Variants in SYNPR observed in about 807,000 individuals in gnomAD.
The protein encoded by SYNPR is synaptoporin.
In SYNPR, 23 loss-of-function variants were observed where a neutral mutation model predicts 32.9. That is an observed-to-expected ratio of 0.70 (90% confidence interval 0.50 to 0.99). SYNPR has a LOEUF of 0.99. Among genes scored for constraint, SYNPR ranks in the 50% least tolerant of loss-of-function variants. The pLI is 0.00. For synonymous variants in SYNPR, 146 were observed against 135.9 expected (o/e 1.07, Z -0.52); for missense variants, 318 against 349.3 (o/e 0.91, Z 0.71).
At chr3:63,279,241 C>T (rs1439806991) in intron 2 of SYNPR, among the ~76,000 whole-genome samples, 2 of 152,144 alleles carry the variant, frequency 1.3e-5, no homozygotes, top group African/African-American at 4.8e-5. Flanking sequence ...TCAACTGCTC[C>T]GCGGGAGCTT....
chr3:63,575,744 G>T (rs1242418769), intron 4 of SYNPR, among the ~76,000 whole-genome samples: 1 of 152,178 alleles, frequency 6.6e-6, no homozygotes, highest in Non-Finnish European at 1.5e-5. Flanking sequence ...AGCATACTTT[G>T]TTAGGGGTCG....
intron 2 of SYNPR, among the ~76,000 whole-genome samples, chr3:63,299,715 C>T (rs2086824364): frequency 6.6e-6 from 1 of 152,050 alleles, no homozygotes; most frequent in African/African-American, 2.4e-5. Context: ...TTGATATTAA[C>T]CAAATGACAT....
chr3:63,510,895 T>C (rs1203604173), intron 3 of SYNPR, among the ~76,000 whole-genome samples: 2 of 114,262 alleles, frequency 1.8e-5, no homozygotes, highest in African/African-American at 2.9e-5. Flanking sequence ...TTTAAGTAAA[T>C]GAAAAGGCAA....
At chr3:63,455,778 T>G (rs1397457888) in intron 2 of SYNPR, among the ~76,000 whole-genome samples, 1 of 151,874 alleles carries the variant, frequency 6.6e-6, no homozygotes, top group Admixed American at 6.6e-5. Flanking sequence ...TGTGTGTGTG[T>G]GTGTGTGTGG....
At chr3:63,259,854 G>A (rs1445797047) in intron 2 of SYNPR, among the ~76,000 whole-genome samples, 1 of 152,106 alleles carries the variant, frequency 6.6e-6, no homozygotes, top group Non-Finnish European at 1.5e-5. Flanking sequence ...TCTCCTTAAG[G>A]TGATAGACAA....
intron 2 of SYNPR, among the ~76,000 whole-genome samples, chr3:63,379,058 A>G (rs1048231994): frequency 2.6e-5 from 4 of 152,186 alleles, no homozygotes; most frequent in African/African-American, 9.6e-5. Flanking sequence ...TTTGAAAATC[A>G]TAAATGTAGC....
At chr3:63,259,854 G>C (rs1445797047) in intron 2 of SYNPR, among the ~76,000 whole-genome samples, 2 of 152,106 alleles carry the variant, frequency 1.3e-5, no homozygotes, top group Non-Finnish European at 2.9e-5. Context: ...TCTCCTTAAG[G>C]TGATAGACAA....
At chr3:63,480,172 C>T (rs1205065902) in intron 2 of SYNPR, among the ~76,000 whole-genome samples, 1 of 152,198 alleles carries the variant, frequency 6.6e-6, no homozygotes, top group African/African-American at 2.4e-5. Flanking sequence ...GATTCACATT[C>T]TACACCAGGA....
At position 63,278,762 on chromosome 3, in the gene SYNPR, C is replaced by G; in HGVS notation, c.84+20C>G. On this transcript the variant is annotated intron_variant, in intron 2 of 5. Transcript: ENST00000478300. The stretch of plus-strand genomic sequence containing the variant: ...GAATTGGTGAGTAGCAGTGTGTGTG[C>G]AGGGAGGGGCGCCAGGCAGCCAGCT... 1 of 1,551,070 alleles carries G rather than the reference C, an allele frequency of 6.4e-7. No homozygotes were observed. The highest frequency in any genetic ancestry group is 8.7e-7 in the Non-Finnish European group (1 of 1,146,896).
chr3:63,570,376 C>T (rs145198327), intron 4 of SYNPR, among the ~76,000 whole-genome samples: 2 of 152,240 alleles, frequency 1.3e-5, no homozygotes, highest in East Asian at 1.9e-4. Context: ...AGAAATAAAA[C>T]GTCTCTCCTC....
In SYNPR at chr3:63,228,622, C is replaced by T. The variant is rs1330182838; in HGVS notation, n.66+242C>T. On this transcript the variant is annotated intron_variant and non_coding_transcript_variant, in intron 1 of 4. Coordinates refer to the SYNPR transcript ENST00000478456. ...TATTTTCTCTTCAGTTTACCACACT[C>T]TCAAGATTTCTAGACCCACCCCCTT... 2.6e-5 allele frequency among the ~76,000 whole-genome samples: 4 copies of T among 152,112 alleles called. No individual in the cohort carries two copies. The East Asian group carries it at 7.7e-4, about 29-fold the overall frequency.
At chr3:63,424,914 A>T (rs887401838) in intron 2 of SYNPR, among the ~76,000 whole-genome samples, 1 of 152,200 alleles carries the variant, frequency 6.6e-6, no homozygotes, top group African/African-American at 2.4e-5. Context: ...TCCTCAACTA[A>T]ATTAAGGAAG....
chr3:63,476,920 G>T (rs1700939250), intron 2 of SYNPR, among the ~76,000 whole-genome samples: 1 of 152,114 alleles, frequency 6.6e-6, no homozygotes, highest in East Asian at 1.9e-4. Flanking sequence ...TAATTTTTCT[G>T]TTCCCCAACA....
In SYNPR at chr3:63,383,169, G is replaced by A. The variant is rs2087994362; in HGVS notation, c.85-97663G>A. 1.3e-5 allele frequency among the ~76,000 whole-genome samples: 2 copies of A among 152,096 alleles called. 1 individual carries two copies. Among genetic ancestry groups the A allele is most frequent in the South Asian group, 4.1e-4 (2 of 4,822 alleles). On this transcript the variant is annotated intron_variant, in intron 2 of 5. Transcript: ENST00000478300. ...AGTTTCCCATCAACTTTCTCTGATG[G>A]TTTTTGTATTCAGTTTTATTTCAGC...
At chr3:63,455,693 A>G (rs1441887252) in intron 2 of SYNPR, among the ~76,000 whole-genome samples, 1 of 151,906 alleles carries the variant, frequency 6.6e-6, no homozygotes, top group Non-Finnish European at 1.5e-5. Flanking sequence ...TATTAGTTAA[A>G]TAAGCCTAAA....
At chr3:63,410,053 T>G (rs2088441280) in intron 2 of SYNPR, among the ~76,000 whole-genome samples, 1 of 152,148 alleles carries the variant, frequency 6.6e-6, no homozygotes, top group Non-Finnish European at 1.5e-5. Flanking sequence ...AACACTTTGT[T>G]GTCTCAAGCC....
the SYNPR span, chr3:63,203,177 G>A: frequency 6.6e-6 from 1 of 150,478 alleles, no homozygotes; most frequent in Non-Finnish European, 1.5e-5. Context: ...ATGTGAGGAT[G>A]AGAGAGGACA....
rs71126590 is a variant in SYNPR, at chr3:63,265,241, C to CTTTTTTTTTTTTTTTTTTTTTT, written n.155-2071_155-2050dup. On this transcript the variant is annotated intron_variant and non_coding_transcript_variant, in intron 2 of 4. Coordinates refer to the SYNPR transcript ENST00000478456. The stretch of plus-strand genomic sequence containing the variant: ...TGGCAATTTGGTTTCTAATGACATT[C>CTTTTTTTTTTTTTTTTTTTTTT]TTTTTTTTTTTTTTTTTTTTTTTTT... Among the ~76,000 whole-genome samples the CTTTTTTTTTTTTTTTTTTTTTT allele has an allele frequency of 9.8e-5, 10 of 102,214 alleles. 3 individuals carry two copies. The East Asian group carries it at 1.2e-3, about 12-fold the overall frequency. The allele number at this position is 102,214 out of a possible 152,430, so 67.1% of individuals were successfully genotyped here.
intron 2 of SYNPR, among the ~76,000 whole-genome samples, chr3:63,330,868 T>A (rs982271358): frequency 6.6e-6 from 1 of 152,142 alleles, no homozygotes; most frequent in Non-Finnish European, 1.5e-5. Flanking sequence ...ATGATCCACC[T>A]CATTATAGAA....
Sources: gnomAD v4.1 joint callset for allele counts (sites outside exome capture counted in the v4.1 genomes callset) on GRCh38, gnomAD v4.1.1 for gene constraint, MANE v1.5 for transcripts, NCBI Gene and HGNC (gene_info 2026-07-23, HGNC 2026-07-21) for gene names.